Variants in LOC400499 observed in about 807,000 individuals in gnomAD.
chr16:11,404,875 GAA>G, the LOC400499 span: 1 of 398,956 alleles, frequency 2.5e-6, no homozygotes, highest in Non-Finnish European at 4.4e-6. Flanking sequence ...AGCTGGAAGA[GAA>G]TGACGGCGTC....
the LOC400499 span, among the ~76,000 whole-genome samples, chr16:11,455,721 T>G: frequency 3.4e-5 from 4 of 116,118 alleles, no homozygotes; most frequent in Admixed American, 1.1e-4. Flanking sequence ...GGTGACAGAG[T>G]AAGACTCCGT....
At chr16:11,378,986 G>C in the LOC400499 span, among the ~76,000 whole-genome samples, 1 of 152,180 alleles carries the variant, frequency 6.6e-6, no homozygotes, top group Non-Finnish European at 1.5e-5. Flanking sequence ...GTATTGGGCC[G>C]GGTGCAGTGG....
At chr16:11,519,792 A>G in the LOC400499 span, among the ~76,000 whole-genome samples, 1 of 149,486 alleles carries the variant, frequency 6.7e-6, no homozygotes, top group African/African-American at 2.5e-5. Flanking sequence ...AGCAACCTCC[A>G]TCTCCCGGGT....
chr16:11,385,409 G>A, the LOC400499 span: 1 of 1,232,266 alleles, frequency 8.1e-7, no homozygotes, highest in South Asian at 4.1e-5. Context: ...CAGCCACCAG[G>A]GCATGGTCTG....
the LOC400499 span, among the ~76,000 whole-genome samples, chr16:11,504,561 C>T: frequency 1.3e-5 from 2 of 150,252 alleles, no homozygotes; most frequent in African/African-American, 5.0e-5. Flanking sequence ...GTCCCCCCCC[C>T]CAAAAAAAAG....
the LOC400499 span, among the ~76,000 whole-genome samples, chr16:11,513,026 C>T: frequency 7.2e-5 from 11 of 152,340 alleles, no homozygotes; most frequent in African/African-American, 2.4e-4. Context: ...GGGTTCAGGT[C>T]CCAGCCCTGC....
At chr16:11,470,256 G>A in the LOC400499 span, among the ~76,000 whole-genome samples, 3 of 152,206 alleles carry the variant, frequency 2.0e-5, no homozygotes, top group Admixed American at 6.5e-5. Flanking sequence ...CCCAGCTTCT[G>A]CAAGCTCTGC....
chr16:11,527,418 G>GA, the LOC400499 span, among the ~76,000 whole-genome samples: 2 of 151,962 alleles, frequency 1.3e-5, no homozygotes, highest in South Asian at 2.1e-4. Context: ...CCAATGAGGG[G>GA]AAAAAAAGCC....
chr16:11,464,359 C>T, the LOC400499 span, among the ~76,000 whole-genome samples: 1 of 152,234 alleles, frequency 6.6e-6, no homozygotes, highest in African/African-American at 2.4e-5. Flanking sequence ...GTCAGAGCTT[C>T]CTCAAGGTGC....
chr16:11,484,610 G>C, the LOC400499 span, among the ~76,000 whole-genome samples: 1 of 152,190 alleles, frequency 6.6e-6, no homozygotes, highest in African/African-American at 2.4e-5. Flanking sequence ...CTGGGTGCTG[G>C]TGACATGGGT....
chr16:11,512,459 C>T, the LOC400499 span, among the ~76,000 whole-genome samples: 1 of 151,836 alleles, frequency 6.6e-6, no homozygotes, highest in African/African-American at 2.4e-5. Flanking sequence ...AAAAATCAGC[C>T]AGGCATGGTG....
At chr16:11,391,244 G>A in the LOC400499 span, among the ~76,000 whole-genome samples, 4 of 152,232 alleles carry the variant, frequency 2.6e-5, no homozygotes, top group Non-Finnish European at 4.4e-5. Flanking sequence ...GAGGCCAGAG[G>A]TTCCCAGTCC....
chr16:11,459,103 C>T, the LOC400499 span, among the ~76,000 whole-genome samples: 8 of 150,108 alleles, frequency 5.3e-5, no homozygotes, highest in African/African-American at 2.0e-4. Context: ...ATGATGTATA[C>T]TTAGCCACAA....
At chr16:11,427,904 A>T in the LOC400499 span, among the ~76,000 whole-genome samples, 2 of 152,044 alleles carry the variant, frequency 1.3e-5, no homozygotes, top group African/African-American at 4.8e-5. Flanking sequence ...TCTACAACTC[A>T]CTCTGAAAAG....
At chr16:11,425,795 C>G in the LOC400499 span, among the ~76,000 whole-genome samples, 1 of 152,166 alleles carries the variant, frequency 6.6e-6, no homozygotes, top group East Asian at 1.9e-4. Context: ...CACCACCAAT[C>G]TCATACAAAC....
chr16:11,402,415 G>A, the LOC400499 span, among the ~76,000 whole-genome samples: 1 of 152,212 alleles, frequency 6.6e-6, no homozygotes, highest in African/African-American at 2.4e-5. Flanking sequence ...CCAAGAGGTG[G>A]CGTCTGCCTC....
chr16:11,377,189 T>G, the LOC400499 span, among the ~76,000 whole-genome samples: 2 of 152,256 alleles, frequency 1.3e-5, no homozygotes, highest in Non-Finnish European at 2.9e-5. Flanking sequence ...GACTTTTGTA[T>G]GTTGATTTTG....
chr16:11,485,061 G>A, the LOC400499 span: 1 of 398,972 alleles, frequency 2.5e-6, no homozygotes, highest in Non-Finnish European at 4.4e-6. Flanking sequence ...GCATTTTCCA[G>A]CCGGAGCCCA....
At chr16:11,504,586 C>T in the LOC400499 span, among the ~76,000 whole-genome samples, 5 of 151,606 alleles carry the variant, frequency 3.3e-5, no homozygotes, top group East Asian at 1.9e-4. Context: ...ATACGTAGGT[C>T]GATAAGAAAA....
Sources: gnomAD v4.1 joint callset for allele counts (sites outside exome capture counted in the v4.1 genomes callset) on GRCh38, gnomAD v4.1.1 for gene constraint, MANE v1.5 for transcripts.